Variants in KDM4C observed in about 807,000 individuals in gnomAD.
KDM4C encodes the protein lysine demethylase 4C.
Under a neutral mutation model 129.3 loss-of-function variants are expected in KDM4C, and 81 were observed. The observed-to-expected ratio is 0.63, with a 90% CI of 0.52 to 0.75. KDM4C has a LOEUF of 0.75. Ranked by LOEUF, KDM4C falls within the 30% of genes least tolerant of loss-of-function variation. The pLI, the probability that KDM4C is intolerant of heterozygous loss-of-function variation, is 0.00. For missense variants in KDM4C, 1,457 were observed against 1,304.0 expected (o/e 1.12, Z -1.81); for synonymous variants, 573 against 456.1 (o/e 1.26, Z -3.26).
intron 4 of KDM4C, among the ~76,000 whole-genome samples, chr9:6,827,656 A>G (rs934027032): frequency 2.0e-5 from 3 of 152,152 alleles, no homozygotes; most frequent in African/African-American, 7.2e-5. Flanking sequence ...TATTTTTATC[A>G]TGTCAGGATA....
chr9:7,041,810 C>T (rs905582764), intron 15 of KDM4C, among the ~76,000 whole-genome samples: 6 of 151,930 alleles, frequency 3.9e-5, no homozygotes, highest in Admixed American at 2.0e-4. Flanking sequence ...GTTATCTGGG[C>T]GCTGAGGAGA....
At chr9:7,055,273 C>G (rs1444003657) in intron 17 of KDM4C, among the ~76,000 whole-genome samples, 2 of 152,186 alleles carry the variant, frequency 1.3e-5, no homozygotes, top group Non-Finnish European at 2.9e-5. Context: ...GTTTCTATGT[C>G]TTTAGACCTT....
intron 8 of KDM4C, among the ~76,000 whole-genome samples, chr9:6,909,302 G>A (rs79326816): frequency 0.041 from 6,264 of 152,268 alleles, 225 homozygotes; most frequent in East Asian, 0.19. Flanking sequence ...GGCAATGGAG[G>A]TGGGACAGAG....
intron 4 of KDM4C, among the ~76,000 whole-genome samples, chr9:6,817,625 A>T (rs1400701363): frequency 6.6e-6 from 1 of 152,190 alleles, no homozygotes; most frequent in Admixed American, 6.5e-5. Flanking sequence ...CTGAATTTTT[A>T]CTAGTATAAG....
At chr9:6,776,356 C>G (rs1268741870) in intron 1 of KDM4C, among the ~76,000 whole-genome samples, 1 of 152,042 alleles carries the variant, frequency 6.6e-6, no homozygotes, top group African/African-American at 2.4e-5. Flanking sequence ...CTCTGCCTCC[C>G]GGGTTCAAGT....
chr9:6,888,001 C>A lies in KDM4C; in HGVS notation c.721C>A (p.Arg241Ser). ...CTCCCAAGGGTGTGATGCATTTCTT[C>A]GCCACAAGATGACATTGATTTCTCC... Reference protein sequence around the residue: ...SSSQGCDAFLRHKMTLISPSV... With the variant: ...SSSQGCDAFLSHKMTLISPSV... The change falls in exon 7 of 22, where the codon CGC becomes AGC. Residue 241 changes from arginine (R) to serine (S), a missense_variant. By Grantham distance (110) the Arg-to-Ser change is moderately radical. Transcript: ENST00000381309. 1 of 1,612,028 alleles carries A rather than the reference C, an allele frequency of 6.2e-7. No homozygotes were observed. Among genetic ancestry groups the A allele is most frequent in the Non-Finnish European group, 8.5e-7 (1 of 1,178,556 alleles).
At chr9:6,900,967 G>T (rs1817301236) in intron 8 of KDM4C, among the ~76,000 whole-genome samples, 1 of 103,888 alleles carries the variant, frequency 9.6e-6, no homozygotes, top group Admixed American at 8.7e-5. Context: ...GAAGCTTTAG[G>T]ATTCTTTTTT....
At chr9:6,977,342 G>T (rs1345932218) in intron 8 of KDM4C, among the ~76,000 whole-genome samples, 1 of 152,084 alleles carries the variant, frequency 6.6e-6, no homozygotes, top group Non-Finnish European at 1.5e-5. Context: ...GTTATAATAT[G>T]ATATGTTCGA....
At chr9:6,866,335 T>A (rs1052549854) in intron 5 of KDM4C, among the ~76,000 whole-genome samples, 3 of 152,170 alleles carry the variant, frequency 2.0e-5, no homozygotes, top group Admixed American at 6.6e-5. Context: ...TTCCAGATGG[T>A]GCCTTCAGCC....
chr9:6,967,979 CAA>C (rs142762888), intron 8 of KDM4C, among the ~76,000 whole-genome samples: 3,891 of 152,230 alleles, frequency 0.026, 114 homozygotes, highest in East Asian at 0.14. Flanking sequence ...TTAATTGAGA[CAA>C]TATCTATAAT....
chr9:6,830,820 TGA>T (rs961662019), intron 4 of KDM4C, among the ~76,000 whole-genome samples: 1 of 152,206 alleles, frequency 6.6e-6, no homozygotes, highest in African/African-American at 2.4e-5. Flanking sequence ...CCATGTGTTA[TGA>T]GAGTGTGTTA....
intron 1 of KDM4C, among the ~76,000 whole-genome samples, chr9:6,722,977 G>A (rs1817005554): frequency 6.6e-6 from 1 of 151,490 alleles, no homozygotes; most frequent in Admixed American, 6.6e-5. Flanking sequence ...AGCGATACAC[G>A]ACAGAGCAAT....
chr9:6,741,529 G>A (rs2988414), intron 1 of KDM4C, among the ~76,000 whole-genome samples: 86,532 of 151,986 alleles, frequency 0.57, 25,157 homozygotes, highest in African/African-American at 0.7. Flanking sequence ...TCCTTCTGAT[G>A]TAATTTCTCT....
At chr9:6,834,741 TG>T in intron 4 of KDM4C, 1 of 1,007,072 alleles carries the variant, frequency 9.9e-7, no homozygotes, top group Non-Finnish European at 1.6e-6. Context: ...GAGCTGCATG[TG>T]GTTCCCGAGG....
At chr9:6,991,401 C>G (rs887324400) in intron 12 of KDM4C, among the ~76,000 whole-genome samples, 1 of 152,014 alleles carries the variant, frequency 6.6e-6, no homozygotes, top group Admixed American at 6.5e-5. Context: ...TCTCACCTTT[C>G]TTTTATAAAA....
intron 8 of KDM4C, among the ~76,000 whole-genome samples, chr9:6,896,871 T>G (rs1047074785): frequency 2.0e-5 from 3 of 152,190 alleles, no homozygotes; most frequent in African/African-American, 7.2e-5. Context: ...CTACTTGACT[T>G]CTTCTGGTGT....
chr9:6,790,270 T>A (rs1008652835), intron 1 of KDM4C, among the ~76,000 whole-genome samples: 6 of 151,716 alleles, frequency 4.0e-5, no homozygotes, highest in Non-Finnish European at 5.9e-5. Context: ...TTTTGTTTTT[T>A]TGTTTTTGTT....
At position 6,817,763 on chromosome 9, in the gene KDM4C, CTTT is replaced by C. The variant is rs146833868; in HGVS notation, c.435+3037_435+3039del. Among the ~76,000 whole-genome samples the C allele has an allele frequency of 1.0e-4, 11 of 105,082 alleles. No individual in the cohort carries two copies. The South Asian group carries it at 3.1e-3, about 29-fold the overall frequency. 68.9% of individuals were successfully genotyped at this position (105,082 alleles called of 152,430 possible). A position where few individuals can be genotyped will look rare whatever the true frequency, so the allele number is the denominator to read the frequency against. On this transcript the variant is annotated intron_variant, in intron 4 of 21. Coordinates refer to ENST00000381309, the MANE Select transcript of KDM4C (RefSeq NM_015061.6). The stretch of plus-strand genomic sequence containing the variant: ...CATAAGGTTATCAAACAGGAATAAC[CTTT>C]TTTTTTTTTTTTTTTTTTGAGACAG...
intron 8 of KDM4C, among the ~76,000 whole-genome samples, chr9:6,949,502 GA>G (rs1827696018): frequency 6.6e-6 from 1 of 152,206 alleles, no homozygotes; most frequent in Admixed American, 6.5e-5. Context: ...CTGGGAGGTG[GA>G]GGTTGTAGCG....
Sources: gnomAD v4.1 joint callset for allele counts (sites outside exome capture counted in the v4.1 genomes callset) on GRCh38, gnomAD v4.1.1 for gene constraint, MANE v1.5 for transcripts, NCBI Gene and HGNC (gene_info 2026-07-23, HGNC 2026-07-21) for gene names.